Variants in MED7 observed in about 807,000 individuals in gnomAD.
MED7 encodes the protein mediator of RNA polymerase II transcription subunit 7.
A neutral mutation model predicts 16.6 loss-of-function variants in MED7; 7 were observed. That is an observed-to-expected ratio of 0.42 (90% CI 0.24 to 0.79). MED7 has a LOEUF of 0.79. MED7 is among the 30% of genes least tolerant of loss of function. MED7 has a pLI of 0.27. For synonymous variants in MED7, 88 were observed against 90.5 expected (o/e 0.97, Z 0.16); for missense variants, 240 against 286.3 (o/e 0.84, Z 1.17).
At position 157,138,531 on chromosome 5, in the gene MED7, T is replaced by C; in HGVS notation, c.*199A>G. On this transcript the variant is annotated 3_prime_UTR_variant, in exon 2 of 2. Transcript: ENST00000286317. ...ACACTTTGCTTTTTAAAGTGATTCT[T>C]CTTAGTGCAGGGACACTCATTTGTC... 1 of 487,444 alleles carries C rather than the reference T, an allele frequency of 2.1e-6. No individual in the cohort carries two copies. 30.2% of individuals were successfully genotyped at this position (487,444 alleles called of 1,614,324 possible). A position where few individuals can be genotyped will look rare whatever the true frequency, so the allele number is the denominator to read the frequency against.
chr5:157,141,349 G>C (rs529689947), intron 1 of MED7, among the ~76,000 whole-genome samples: 13 of 152,220 alleles, frequency 8.5e-5, no homozygotes, highest in African/African-American at 3.1e-4. Context: ...CAAAGTTCTG[G>C]GATTACAGGC....
At chr5:157,140,465 T>G (rs1757706871) in intron 1 of MED7, among the ~76,000 whole-genome samples, 1 of 152,154 alleles carries the variant, frequency 6.6e-6, no homozygotes, top group South Asian at 2.1e-4. Context: ...TCCTTTAGAT[T>G]GGTGTTATCA....
intron 1 of MED7, among the ~76,000 whole-genome samples, chr5:157,139,947 T>C (rs1757698870): frequency 6.6e-6 from 1 of 152,186 alleles, no homozygotes; most frequent in South Asian, 2.1e-4. Context: ...CTGAATGAAA[T>C]GATGATTCAG....
chr5:157,138,486 G>A lies in MED7; in HGVS notation c.*244C>T. On this transcript the variant is annotated 3_prime_UTR_variant, in exon 2 of 2. Transcript: ENST00000286317. ...TACTGCAACTCTAAAACATAGGAAT[G>A]TCCCATACAACAGCAGCTAACACTT... 1 of 410,420 alleles carries A rather than the reference G, an allele frequency of 2.4e-6. No individual in the cohort carries two copies. The highest frequency in any genetic ancestry group is 4.3e-6 in the Non-Finnish European group (1 of 232,262). 25.4% of individuals were successfully genotyped at this position (410,420 alleles called of 1,614,324 possible).
intron 1 of MED7, among the ~76,000 whole-genome samples, chr5:157,141,186 T>C (rs968817277): frequency 1.3e-5 from 2 of 152,126 alleles, no homozygotes; most frequent in Non-Finnish European, 2.9e-5. Flanking sequence ...GTTCACGCCA[T>C]TCTCCTGCCT....
At chr5:157,141,297 G>T (rs1757720332) in intron 1 of MED7, among the ~76,000 whole-genome samples, 1 of 151,906 alleles carries the variant, frequency 6.6e-6, no homozygotes, top group Admixed American at 6.6e-5. Flanking sequence ...AGCCAGGATG[G>T]TCTCGATCTC....
At chr5:157,140,273 C>T (rs908354984) in intron 1 of MED7, among the ~76,000 whole-genome samples, 3 of 152,160 alleles carry the variant, frequency 2.0e-5, no homozygotes, top group Non-Finnish European at 2.9e-5. Context: ...CTTGGCCTCC[C>T]AAAGTGCTGG....
chr5:157,138,891 C>T lies in MED7; in HGVS notation c.541G>A (p.Gly181Arg). 6.2e-7 allele frequency: 1 copy of T among 1,614,110 alleles called. No individual in the cohort carries two copies. Among genetic ancestry groups the T allele is most frequent in the Non-Finnish European group, 8.5e-7 (1 of 1,180,028 alleles). ...ATTGGTTCAGTTTTTACTCTCATTC[C>T]TGCTTCTGAATGAGGCAAATCATCA... ...LPDDLPHSEAGMRVKTEPMDA... is the reference protein window; with the variant it reads ...LPDDLPHSEARMRVKTEPMDA... Residue 181 changes from glycine to arginine, a missense_variant, in exon 2 of 2, where the codon GGA becomes AGA. Coordinates refer to ENST00000286317, the MANE Select transcript of MED7 (RefSeq NM_004270.5).
intron 1 of MED7, among the ~76,000 whole-genome samples, chr5:157,141,423 C>A (rs745433451): frequency 1.3e-5 from 2 of 152,042 alleles, no homozygotes; most frequent in Non-Finnish European, 2.9e-5. Flanking sequence ...CCACTCAAAC[C>A]TTTTTAGGTG....
intron 1 of MED7, among the ~76,000 whole-genome samples, chr5:157,140,605 T>C (rs374955932): frequency 6.6e-6 from 1 of 152,148 alleles, no homozygotes; most frequent in East Asian, 1.9e-4. Context: ...TATGCCACAG[T>C]GGTGCATAGG....
Position 157,139,049 on chromosome 5 carries a change from G to T in MED7, c.383C>A (p.Pro128His). Reference sequence around the variant, plus strand: ...TCTCAAGGTCTCTCTTGCTTGGTGGGGTCGGTATTCATTTATAAGATGATG... The same window carrying T: ...TCTCAAGGTCTCTCTTGCTTGGTGGTGTCGGTATTCATTTATAAGATGATG... ...HVHHLINEYR[P>H]HQARETLRVM... Residue 128 changes from proline (P) to histidine (H), a missense_variant, in exon 2 of 2, where the codon CCC (proline) becomes CAC (histidine). Transcript: ENST00000286317. 6.2e-7 allele frequency: 1 copy of T among 1,613,848 alleles called. No homozygotes were observed. The highest frequency in any genetic ancestry group is 8.5e-7 in the Non-Finnish European group (1 of 1,179,968).
chr5:157,141,509 A>G (rs568571200), intron 1 of MED7, among the ~76,000 whole-genome samples: 1 of 152,352 alleles, frequency 6.6e-6, no homozygotes, highest in African/African-American at 2.4e-5. Context: ...GGCCAACTAC[A>G]TGACAGGTAC....
chr5:157,139,135 G>A lies in MED7; in HGVS notation c.297C>T (p.Ser99=). 6.2e-7 allele frequency: 1 copy of A among 1,613,512 alleles called. No individual in the cohort carries two copies. The highest frequency in any genetic ancestry group is 2.2e-5 in the East Asian group (1 of 44,886). ...FLDLLDILIR[S]PGSIKREEKL... ...TCTCTTCTCGTTTTATACTCCCAGG[G>A]CTCCTTATTAAAATATCTAAAAGGT... The change falls in exon 2 of 2, where the codon AGC becomes AGT. Residue 99 remains serine (S), a synonymous_variant. Transcript: ENST00000286317.
Position 157,138,700 on chromosome 5 carries a change from C to CA in MED7, c.*29dup. ...ATGAACTAATATATGATGCTATTATCAAAAGGAAAAAAAGAAAAAGAAACA... is the reference window on the plus strand; with the variant it reads ...ATGAACTAATATATGATGCTATTATCAAAAAGGAAAAAAAGAAAAAGAAACA... On this transcript the variant is annotated 3_prime_UTR_variant, in exon 2 of 2. Coordinates refer to ENST00000286317, the MANE Select transcript of MED7 (RefSeq NM_004270.5). 1 of 1,522,298 alleles carries CA rather than the reference C, an allele frequency of 6.6e-7. No individual in the cohort carries two copies. The highest frequency in any genetic ancestry group is 8.8e-7 in the Non-Finnish European group (1 of 1,130,788). The allele number at this position is 1,522,298 out of a possible 1,614,324, so 94.3% of individuals were successfully genotyped here.
At chr5:157,139,864 T>TA (rs1757698048) in intron 1 of MED7, among the ~76,000 whole-genome samples, 1 of 152,096 alleles carries the variant, frequency 6.6e-6, no homozygotes, top group South Asian at 2.1e-4. Context: ...AGCAAACACT[T>TA]ACTTGTATCT....
At position 157,139,093 on chromosome 5, in the gene MED7, C is replaced by T. The variant is rs1231741035; in HGVS notation, c.339G>A (p.Lys113=). The change falls in exon 2 of 2, where the codon AAG becomes AAA. Residue 113 remains lysine (K), a synonymous_variant. Transcript: ENST00000286317. ...GATGATGCACGTGTACAAAAAGCAGCTTAAGATCTTCTAGTTTCTCTTCTC... is the reference window on the plus strand; with the variant it reads ...GATGATGCACGTGTACAAAAAGCAGTTTAAGATCTTCTAGTTTCTCTTCTC... The part of the protein sequence containing the change: ...IKREEKLEDL[K]LLFVHVHHLI... 3.7e-6 allele frequency: 6 copies of T among 1,613,896 alleles called. No individual in the cohort carries two copies. In the African/African-American group the frequency reaches 6.7e-5, roughly 18 times the overall value.
At chr5:157,140,351 A>C (rs575701026) in intron 1 of MED7, among the ~76,000 whole-genome samples, 1 of 152,116 alleles carries the variant, frequency 6.6e-6, no homozygotes, top group East Asian at 1.9e-4. Context: ...CTATCACAGA[A>C]ATGTCAAACC....
intron 1 of MED7, among the ~76,000 whole-genome samples, chr5:157,140,016 G>T (rs774985575): frequency 6.6e-6 from 1 of 151,980 alleles, no homozygotes; most frequent in Non-Finnish European, 1.5e-5. Context: ...ATTAACTTTT[G>T]TTTGTTTTTT....
intron 1 of MED7, among the ~76,000 whole-genome samples, chr5:157,142,044 T>C (rs1043378850): frequency 6.6e-6 from 1 of 152,172 alleles, no homozygotes; most frequent in African/African-American, 2.4e-5. Flanking sequence ...CTCTCTTATA[T>C]CCCTAAGCCG....
Sources: allele counts gnomAD v4.1 joint callset (sites outside exome capture counted in the v4.1 genomes callset), GRCh38; gene constraint gnomAD v4.1.1; transcripts MANE v1.5; gene names NCBI Gene and HGNC (gene_info 2026-07-23, HGNC 2026-07-21).